The following TRAM2 variants were observed in gnomAD, a reference collection of about 807,000 sequenced individuals.
TRAM2 encodes translocation associated membrane protein 2.
A neutral mutation model predicts 51.0 loss-of-function variants in TRAM2; 12 were observed. That is an observed-to-expected ratio of 0.24 (90% CI 0.15 to 0.38). The LOEUF (loss-of-function observed/expected upper bound fraction) is 0.38, where lower values mean the gene tolerates loss of function less well. TRAM2 is among the 10% of genes least tolerant of loss of function. The pLI, the probability that TRAM2 is intolerant of heterozygous loss-of-function variation, is 1.00. For missense variants in TRAM2, 361 were observed against 462.0 expected, an observed-to-expected ratio of 0.78 and a Z score of 2.00; for synonymous variants, 175 against 179.4, an observed-to-expected ratio of 0.98 and a Z score of 0.20.
rs144521233 is a variant in TRAM2 at position 52,519,732 on chromosome 6, A to G, written c.185-2995T>C. ...TATTCACAACAGCCAAAAAGATGGA[A>G]GCGACGCAGGTGTCCATGGATTGAT... On this transcript the variant is annotated intron_variant, in intron 2 of 10. Coordinates refer to ENST00000182527, the MANE Select transcript of TRAM2 (RefSeq NM_012288.4). Among the ~76,000 whole-genome samples the G allele has an allele frequency of 2.7e-3, 406 of 152,286 alleles. 3 individuals are homozygous for G. Among genetic ancestry groups the G allele is most frequent in the African/African-American group, 9.3e-3 (385 of 41,560 alleles).
intron 6 of TRAM2, 42 bp from the exon 7 acceptor site, chr6:52,507,665 A>G: frequency 1.9e-6 from 3 of 1,596,974 alleles, no homozygotes; most frequent in Non-Finnish European, 2.6e-6. Flanking sequence ...CTAATTCCCT[A>G]ACTGAAGATT....
At chr6:52,568,949 C>T (rs62405878) in intron 1 of TRAM2, among the ~76,000 whole-genome samples, 3,043 of 152,254 alleles carry the variant, frequency 0.02, 36 homozygotes, top group South Asian at 0.036. Flanking sequence ...ACCAGAGGTA[C>T]AATCATCAGC....
intron 2 of TRAM2, chr6:52,524,964 C>G (rs532584421): frequency 6.6e-6 from 1 of 152,244 alleles, no homozygotes; most frequent in Non-Finnish European, 1.5e-5. Flanking sequence ...CTACTTCCAA[C>G]AGAAACAATC....
intron 1 of TRAM2, among the ~76,000 whole-genome samples, chr6:52,558,174 C>CG (rs1767441477): frequency 6.6e-6 from 1 of 152,092 alleles, no homozygotes; most frequent in Non-Finnish European, 1.5e-5. Flanking sequence ...TTGGCCTCCC[C>CG]GGGGTTCTGG....
Position 52,508,263 on chromosome 6 carries a change from G to T in TRAM2, c.526C>A (p.Pro176Thr). 3 of 1,614,124 alleles carry T rather than the reference G, an allele frequency of 1.9e-6. No homozygotes were observed. The highest frequency in any genetic ancestry group is 2.5e-6 in the Non-Finnish European group (3 of 1,180,030). The change falls in exon 6 of 11, where the codon CCT (proline) becomes ACT (threonine). Residue 176 changes from proline to threonine, a missense_variant. Coordinates refer to ENST00000182527, the MANE Select transcript of TRAM2 (RefSeq NM_012288.4). Reference protein sequence around the residue: ...CQLAYWLHALPELYFQKVRKE... With the variant: ...CQLAYWLHALTELYFQKVRKE... ...CGTACCTTCTGGAAGTATAGCTCAG[G>T]AAGTGCGTGCAGCCAGTAGGCCAGC...
At chr6:52,535,041 G>C (rs1360513958) in intron 2 of TRAM2, among the ~76,000 whole-genome samples, 1 of 150,882 alleles carries the variant, frequency 6.6e-6, no homozygotes, top group Non-Finnish European at 1.5e-5. Context: ...CTGAGGTTTG[G>C]TCCTTACCCC....
intron 1 of TRAM2, among the ~76,000 whole-genome samples, chr6:52,574,607 T>C (rs2268703): frequency 0.21 from 32,330 of 152,098 alleles, 4,072 homozygotes; most frequent in Admixed American, 0.36. Flanking sequence ...AGGGGGCCTG[T>C]AGGCATTTCA....
At chr6:52,507,873 G>C (rs939019912) in intron 6 of TRAM2, among the ~76,000 whole-genome samples, 4 of 152,180 alleles carry the variant, frequency 2.6e-5, no homozygotes, top group African/African-American at 9.7e-5. Context: ...TGAGAAATAA[G>C]AGACAGGGAC....
chr6:52,559,767 T>C (rs748386906), intron 1 of TRAM2, among the ~76,000 whole-genome samples: 44 of 152,226 alleles, frequency 2.9e-4, no homozygotes, highest in Non-Finnish European at 3.8e-4. Flanking sequence ...TTTTAAACTA[T>C]GTTCACAACA....
At chr6:52,543,000 T>G (rs893130390) in intron 1 of TRAM2, among the ~76,000 whole-genome samples, 3 of 152,204 alleles carry the variant, frequency 2.0e-5, no homozygotes, top group African/African-American at 7.2e-5. Flanking sequence ...TGCCTTTATA[T>G]CCACAAGTTA....
At chr6:52,503,380 A>G (rs933119496) in intron 10 of TRAM2, 110 bp from the exon 11 acceptor site, 1 of 936,296 alleles carries the variant, frequency 1.1e-6, no homozygotes, top group African/African-American at 1.6e-5. Flanking sequence ...CAGCTGCTAT[A>G]CATGGATGCA....
chr6:52,540,703 G>T (rs1368065905), intron 1 of TRAM2, among the ~76,000 whole-genome samples: 2 of 152,178 alleles, frequency 1.3e-5, no homozygotes, highest in African/African-American at 2.4e-5. Flanking sequence ...TAGCACACAG[G>T]GCTGAGAACC....
intron 1 of TRAM2, among the ~76,000 whole-genome samples, chr6:52,549,310 G>C (rs907273372): frequency 7.6e-6 from 1 of 131,730 alleles, no homozygotes. Flanking sequence ...AAAATCAACT[G>C]TCTGTCTCCT....
At chr6:52,554,292 A>G (rs776240639) in intron 1 of TRAM2, among the ~76,000 whole-genome samples, 3 of 152,154 alleles carry the variant, frequency 2.0e-5, no homozygotes, top group African/African-American at 4.8e-5. Context: ...TGGGAAGTAG[A>G]GGCAGATGGA....
intron 1 of TRAM2, among the ~76,000 whole-genome samples, chr6:52,556,374 G>A (rs565377103): frequency 9.9e-5 from 15 of 151,770 alleles, no homozygotes; most frequent in South Asian, 2.1e-4. Context: ...TACACCTCCC[G>A]GGTTCAAGTG....
chr6:52,504,797 C>G (rs1321573996), intron 9 of TRAM2, 43 bp from the exon 10 acceptor site: 1 of 1,550,240 alleles, frequency 6.5e-7, no homozygotes, highest in African/African-American at 1.4e-5. Flanking sequence ...GGCTTGGGCT[C>G]ACAGCCTTGG....
At chr6:52,546,004 C>A (rs2114093892) in intron 1 of TRAM2, among the ~76,000 whole-genome samples, 2 of 152,264 alleles carry the variant, frequency 1.3e-5, no homozygotes, top group South Asian at 4.2e-4. Flanking sequence ...TACAACACAA[C>A]AGAATCATCA....
At chr6:52,543,157 T>C (rs1057106742) in intron 1 of TRAM2, among the ~76,000 whole-genome samples, 13 of 152,172 alleles carry the variant, frequency 8.5e-5, no homozygotes, top group African/African-American at 3.1e-4. Flanking sequence ...CCTTAATATA[T>C]ATATTCTCAT....
At chr6:52,505,352 G>A (rs1766327918) in intron 9 of TRAM2, among the ~76,000 whole-genome samples, 1 of 152,212 alleles carries the variant, frequency 6.6e-6, no homozygotes, top group East Asian at 1.9e-4. Context: ...ACCACAAAGT[G>A]CCAGACAAAT....
Sources: gnomAD v4.1 joint callset for allele counts (sites outside exome capture counted in the v4.1 genomes callset) on GRCh38, gnomAD v4.1.1 for gene constraint, MANE v1.5 for transcripts, NCBI Gene and HGNC (gene_info 2026-07-23, HGNC 2026-07-21) for gene names.